Variants in LCT observed in about 807,000 individuals in gnomAD.
LCT encodes lactase, also known as lactase/phlorizin hydrolase.
A neutral mutation model predicts 173.0 loss-of-function variants in LCT; 90 were observed. The ratio of observed to expected loss-of-function variants is 0.52; its 90% CI spans 0.44 to 0.62. The LOEUF (loss-of-function observed/expected upper bound fraction) is 0.62. Ranked by LOEUF, LCT falls within the 20% of genes least tolerant of loss-of-function variation. The pLI, the probability that LCT is intolerant of heterozygous loss-of-function variation, is 0.00. For synonymous variants in LCT, 853 were observed against 957.6 expected (o/e 0.89, Z 2.02); for missense variants, 1,864 against 2,431.4 (o/e 0.77, Z 4.91).
Position 135,800,597 on chromosome 2 carries a change from A to G in LCT, c.4866+10T>C, listed in dbSNP as rs2077617539. On this transcript the variant is annotated intron_variant, in intron 12 of 16. Transcript: ENST00000264162. ...AAGAGTAAGAACAAGCGCCCAGAGG[A>G]AAAACAGACCTGAACATATCTCCTG... The G allele has an allele frequency of 6.2e-7, 1 of 1,608,074 alleles. No homozygotes were observed. Among genetic ancestry groups the G allele is most frequent in the Non-Finnish European group, 8.5e-7 (1 of 1,176,330 alleles).
In LCT at chr2:135,812,654, C is replaced by A. The variant is rs1340352265; in HGVS notation, c.2010G>T (p.Glu670Asp). Residue 670 changes from glutamate to aspartate, a missense_variant, in exon 7 of 17, where the codon GAG becomes GAT. This residue lies in a region of LCT where 755 missense variants were observed against 926.3 expected (regional missense o/e 0.82). Transcript: ENST00000264162. ...VAQLPEFTEAEKQLLKGSADF... is the reference protein window; with the variant it reads ...VAQLPEFTEADKQLLKGSADF... ...CAGCAGAGCCTTTCAGGAGCTGCTT[C>A]TCTGCCTCTGTGAACTCGGGGAGTT... 1 of 1,612,502 alleles carries A rather than the reference C, an allele frequency of 6.2e-7. No homozygotes were observed. Among genetic ancestry groups the A allele is most frequent in the Non-Finnish European group, 8.5e-7 (1 of 1,178,510 alleles).
chr2:135,819,886 A>G (rs2077813716), intron 5 of LCT, among the ~76,000 whole-genome samples: 1 of 152,158 alleles, frequency 6.6e-6, no homozygotes, highest in Non-Finnish European at 1.5e-5. Flanking sequence ...TTAAGGAAAC[A>G]AATAAACTGC....
At chr2:135,813,095 GACA>G (rs1342181586) in intron 6 of LCT, 139 bp from the exon 7 acceptor site, 5 of 777,592 alleles carry the variant, frequency 6.4e-6, no homozygotes, top group South Asian at 3.0e-5. Context: ...TGTCAATATT[GACA>G]ACATCAGCAC....
Position 135,807,226 on chromosome 2 carries a change from T to C in LCT, c.4075A>G (p.Ile1359Val). 2 of 1,614,188 alleles carry C rather than the reference T, an allele frequency of 1.2e-6. No individual in the cohort carries two copies. Among genetic ancestry groups the C allele is most frequent in the Non-Finnish European group, 1.7e-6 (2 of 1,179,970 alleles). ...RASARYYTEV[I>V]TNNGMPLARE... ...GCCAGTGGCATGCCGTTGTTGGTAA[T>C]GACCTCTGTGTAGTACCTGGCGGAG... is the stretch of plus-strand genomic sequence containing the variant. Residue 1359 changes from isoleucine to valine, a missense_variant, in exon 9 of 17, where the codon ATT (isoleucine) becomes GTT (valine). Around this residue, in one of 4 missense-constraint regions of LCT, gnomAD observed 514 missense variants for 750.1 expected, o/e 0.69. Coordinates refer to ENST00000264162, the MANE Select transcript of LCT (RefSeq NM_002299.4).
At chr2:135,793,174 G>A (rs569131323) in intron 14 of LCT, among the ~76,000 whole-genome samples, 20 of 152,360 alleles carry the variant, frequency 1.3e-4, no homozygotes, top group African/African-American at 4.6e-4. Context: ...GAGAAAACCA[G>A]TGCACGAAAG....
chr2:135,807,767 C>T (rs2077689751), intron 8 of LCT, among the ~76,000 whole-genome samples: 1 of 151,560 alleles, frequency 6.6e-6, no homozygotes, highest in Non-Finnish European at 1.5e-5. Context: ...CGAGATCACA[C>T]CATTGCACTC....
intron 11 of LCT, among the ~76,000 whole-genome samples, chr2:135,802,082 G>A (rs899228230): frequency 2.0e-5 from 3 of 152,130 alleles, no homozygotes; most frequent in African/African-American, 7.2e-5. Flanking sequence ...CCCTGATAGT[G>A]AATGCTGCAA....
At chr2:135,788,604 C>CT (rs2077510791) in intron 16 of LCT, 60 bp from the exon 17 acceptor site, 3 of 1,086,060 alleles carry the variant, frequency 2.8e-6, no homozygotes, top group Non-Finnish European at 4.3e-6. Context: ...TCTCAGATCT[C>CT]TGAGACCCCA....
At position 135,787,977 on chromosome 2, in the gene LCT, C is replaced by T. The variant is rs142007679; in HGVS notation, c.*347G>A. 10 of 318,430 alleles carry T rather than the reference C, an allele frequency of 3.1e-5. No homozygotes were observed. Among genetic ancestry groups the T allele is most frequent in the East Asian group, 1.5e-4 (2 of 13,178 alleles). 19.7% of individuals were successfully genotyped at this position (318,430 alleles called of 1,614,324 possible). A position where few individuals can be genotyped will look rare whatever the true frequency, so the allele number is the denominator to read the frequency against. On this transcript the variant is annotated 3_prime_UTR_variant, in exon 17 of 17. Coordinates refer to ENST00000264162, the MANE Select transcript of LCT (RefSeq NM_002299.4). ...TTTCTTCTTATAGGAAGGATTTTTA[C>T]GGTTTTTGCTCCCTTAACAACCCTT...
Position 135,808,618 on chromosome 2 carries a change from C to A in LCT, c.3729G>T (p.Thr1243=). 1.2e-6 allele frequency: 2 copies of A among 1,614,208 alleles called. No individual in the cohort carries two copies. Among genetic ancestry groups the A allele is most frequent in the Non-Finnish European group, 1.7e-6 (2 of 1,180,040 alleles). The change falls in exon 8 of 17, where the codon ACG becomes ACT. Residue 1243 remains threonine (T), a synonymous_variant. Coordinates refer to ENST00000264162, the MANE Select transcript of LCT (RefSeq NM_002299.4). Reference sequence around the variant, plus strand: ...CCCAGGGCGCAGCTCTGTTCATTGCCGTGGAAGGCCACGAAGGGTCCTCCT... The same window carrying A: ...CCCAGGGCGCAGCTCTGTTCATTGCAGTGGAAGGCCACGAAGGGTCCTCCT... ...AEEEDPSWPS[T]AMNRAAPWGT... is the part of the protein sequence containing the mutation.
intron 6 of LCT, among the ~76,000 whole-genome samples, chr2:135,814,962 G>A (rs2105540283): frequency 6.6e-6 from 1 of 152,236 alleles, no homozygotes; most frequent in African/African-American, 2.4e-5. Flanking sequence ...ATTTAGAGGA[G>A]GTCGTGAGGG....
At chr2:135,789,905 A>T in intron 15 of LCT, 107 bp from the exon 16 acceptor site, 3 of 861,696 alleles carry the variant, frequency 3.5e-6, no homozygotes, top group Non-Finnish European at 6.0e-6. Flanking sequence ...CCGCCTTCAC[A>T]GATGGCGGTA....
At position 135,808,676 on chromosome 2, in the gene LCT, G is replaced by A; in HGVS notation, c.3671C>T (p.Pro1224Leu). Residue 1224 changes from proline to leucine, a missense_variant, in exon 8 of 17, where the codon CCC (proline) becomes CTC (leucine). Physicochemically the swap from Pro to Leu is moderately conservative, Grantham distance 98. Transcript: ENST00000264162. Reference protein sequence around the residue: ...VQHKTPRLNPPSYEDDQEMAE... With the variant: ...VQHKTPRLNPLSYEDDQEMAE... ...CATCTCCTGGTCGTCTTCGTAGGAG[G>A]GTGGGTTTAGCCTGGGTGTTTTGTG... is the stretch of plus-strand genomic sequence containing the variant. The A allele has an allele frequency of 6.2e-7, 1 of 1,614,206 alleles. No individual in the cohort carries two copies. The highest frequency in any genetic ancestry group is 8.5e-7 in the Non-Finnish European group (1 of 1,180,036).
rs752925060 is a variant in LCT, at chr2:135,804,992, T to C, written c.4239A>G (p.Pro1413=). The C allele has an allele frequency of 1.2e-6, 2 of 1,614,152 alleles. No individual in the cohort carries two copies. The highest frequency in any genetic ancestry group is 4.5e-5 in the East Asian group (2 of 44,878). ...LSIWDTFSHT[P]LRVENDAIGD... The stretch of plus-strand genomic sequence containing the variant: ...CAATGGCATCGTTCTCAACCCTCAG[T>C]GGTGTGTGAGAAAACGTGTCCCAAA... Residue 1413 remains proline, a synonymous_variant, in exon 10 of 17, where the codon CCA becomes CCG. Transcript: ENST00000264162.
At position 135,834,787 on chromosome 2, in the gene LCT, C is replaced by CAAAAAAAAAAAAA. The variant is rs60298631; in HGVS notation, c.641-1610_641-1598dup. On this transcript the variant is annotated intron_variant, in intron 1 of 16. Coordinates refer to ENST00000264162, the MANE Select transcript of LCT (RefSeq NM_002299.4). ...TGGACAAAAGAGTGAGACTCCATCT[C>CAAAAAAAAAAAAA]AAAAAAAAAAAAAAAAAAAAAAAGA... Among the ~76,000 whole-genome samples, 70 of 34,158 alleles carry CAAAAAAAAAAAAA rather than the reference C, an allele frequency of 2.0e-3. 4 individuals are homozygous for CAAAAAAAAAAAAA. Among genetic ancestry groups the CAAAAAAAAAAAAA allele is most frequent in the East Asian group, 3.8e-3 (2 of 520 alleles). 22.4% of individuals were successfully genotyped at this position (34,158 alleles called of 152,430 possible).
intron 2 of LCT, among the ~76,000 whole-genome samples, chr2:135,831,694 G>A (rs1033835586): frequency 6.6e-6 from 1 of 152,172 alleles, no homozygotes; most frequent in Non-Finnish European, 1.5e-5. Flanking sequence ...AACCTTATCA[G>A]TCTTGGTTCC....
chr2:135,809,274 G>A lies in LCT; in HGVS notation c.3073C>T (p.Gln1025Ter). ...MVTLFHWDLPQALQDIGGWEN... is the reference protein window; with the variant it reads ...MVTLFHWDLP ...CAGCCTCCGATATCCTGGAGGGCCT[G>A]GGGCAGGTCCCAATGGAACAATGTC... Residue 1025 changes from glutamine to a stop codon, truncating the protein, a stop_gained, in exon 8 of 17, where the codon CAG becomes TAG. Transcript: ENST00000264162. LOFTEE classifies it high-confidence loss of function. The surrounding 1 kb of genome is among the most constrained non-coding windows in gnomAD (Gnocchi z 5.5). The A allele has an allele frequency of 6.2e-7, 1 of 1,614,172 alleles. No homozygotes were observed. Among genetic ancestry groups the A allele is most frequent in the Non-Finnish European group, 8.5e-7 (1 of 1,179,990 alleles).
intron 7 of LCT, among the ~76,000 whole-genome samples, chr2:135,810,534 G>T (rs537958026): frequency 6.6e-6 from 1 of 152,280 alleles, no homozygotes; most frequent in Admixed American, 6.5e-5. Context: ...AATAAATAGT[G>T]GAGGGGATGT....
chr2:135,826,431 T>A (rs1033121821), intron 3 of LCT, among the ~76,000 whole-genome samples: 29 of 145,326 alleles, frequency 2.0e-4, no homozygotes, highest in African/African-American at 7.1e-4. Context: ...CTAGGCATGG[T>A]GGCGGGCACC....
Sources: gnomAD v4.1 joint callset for allele counts (sites outside exome capture counted in the v4.1 genomes callset) on GRCh38, gnomAD v4.1.1 for gene constraint, gnomAD v4.1.1 regional missense constraint, Gnocchi (gnomAD v3.1) non-coding constraint, MANE v1.5 for transcripts, NCBI Gene and HGNC (gene_info 2026-07-23, HGNC 2026-07-21) for gene names.